Variants in PTPRT observed in about 807,000 individuals in gnomAD.
PTPRT encodes protein tyrosine phosphatase receptor type T.
PTPRT carries 56 observed loss-of-function variants against 176.8 expected under a neutral mutation model. That is an observed-to-expected ratio of 0.32 (90% CI 0.26 to 0.40). The LOEUF (loss-of-function observed/expected upper bound fraction) is 0.40. Among genes scored for constraint, PTPRT ranks in the 10% least tolerant of loss-of-function variants. PTPRT has a pLI of 1.00. For synonymous variants in PTPRT, 783 were observed against 739.0 expected, an observed-to-expected ratio of 1.06 and a Z score of -0.96; for missense variants, 1,540 against 1,908.2, an observed-to-expected ratio of 0.81 and a Z score of 3.60.
At chr20:42,630,873 C>G (rs949255536) in intron 7 of PTPRT, among the ~76,000 whole-genome samples, 3 of 152,052 alleles carry the variant, frequency 2.0e-5, no homozygotes, top group African/African-American at 7.3e-5. Context: ...TGGAAAGAAC[C>G]ATGTGTGGAG....
chr20:42,114,596 T>G (rs942852807), intron 22 of PTPRT, among the ~76,000 whole-genome samples: 4 of 152,168 alleles, frequency 2.6e-5, no homozygotes. Context: ...TCGGAGGCTG[T>G]CCTGTGCATT....
intron 13 of PTPRT, among the ~76,000 whole-genome samples, chr20:42,260,351 G>C (rs983761364): frequency 6.6e-6 from 1 of 152,184 alleles, no homozygotes; most frequent in Non-Finnish European, 1.5e-5. Flanking sequence ...CTTGCTTATA[G>C]AATCTGTGCT....
chr20:42,975,476 G>T (rs927530685), intron 1 of PTPRT, among the ~76,000 whole-genome samples: 1 of 152,000 alleles, frequency 6.6e-6, no homozygotes, highest in East Asian at 1.9e-4. Flanking sequence ...TTATGGATAG[G>T]TACTTTTTTA....
At chr20:42,916,946 G>C (rs915873863) in intron 1 of PTPRT, among the ~76,000 whole-genome samples, 4 of 152,136 alleles carry the variant, frequency 2.6e-5, no homozygotes, top group African/African-American at 4.8e-5. Flanking sequence ...CTTTTGCTGT[G>C]CAGAAGCTCT....
intron 1 of PTPRT, among the ~76,000 whole-genome samples, chr20:42,973,820 G>A (rs182698450): frequency 3.9e-5 from 6 of 152,232 alleles, no homozygotes; most frequent in Admixed American, 3.3e-4. Flanking sequence ...TAATTAATTG[G>A]GATACATTTT....
At chr20:42,834,035 T>C (rs1163210758) in intron 2 of PTPRT, among the ~76,000 whole-genome samples, 2 of 152,124 alleles carry the variant, frequency 1.3e-5, no homozygotes, top group African/African-American at 4.8e-5. Context: ...AATTAAAATA[T>C]TTTGCTCTGT....
intron 2 of PTPRT, among the ~76,000 whole-genome samples, chr20:42,881,570 C>A (rs2079009839): frequency 6.6e-6 from 1 of 151,852 alleles, no homozygotes; most frequent in Admixed American, 6.6e-5. Flanking sequence ...ACTAAAAATA[C>A]AAAAGTTAGC....
chr20:42,894,284 A>G (rs1003765740), intron 1 of PTPRT, among the ~76,000 whole-genome samples: 2 of 152,170 alleles, frequency 1.3e-5, no homozygotes, highest in Admixed American at 1.3e-4. Context: ...GCTGAGCTTG[A>G]TAACGGTTTG....
intron 1 of PTPRT, among the ~76,000 whole-genome samples, chr20:43,157,517 T>G (rs146200245): frequency 1.3e-5 from 2 of 152,154 alleles, no homozygotes; most frequent in African/African-American, 4.8e-5. Flanking sequence ...TAGCTGATTA[T>G]GGTGGGAGGG....
At position 42,955,742 on chromosome 20, in the gene PTPRT, G is replaced by C. The variant is rs1230889939; in HGVS notation, c.89-69810C>G. On this transcript the variant is annotated intron_variant, in intron 1 of 30. Coordinates refer to ENST00000373187, the MANE Select transcript of PTPRT (RefSeq NM_007050.6). ...ACCACAGTGCAGCCCAGGAACAGAG[G>C]CTGAGGCAGTACATTCTCACAAAGA... 2.0e-5 allele frequency among the ~76,000 whole-genome samples: 3 copies of C among 151,970 alleles called. No homozygotes were observed. In the East Asian group the frequency reaches 5.8e-4, roughly 29 times the overall value.
chr20:42,227,572 T>C (rs1008654415), intron 15 of PTPRT, among the ~76,000 whole-genome samples: 5 of 150,342 alleles, frequency 3.3e-5, no homozygotes, highest in Non-Finnish European at 5.9e-5. Flanking sequence ...TCAGCATCAA[T>C]TGTAGCGAAT....
chr20:42,557,137 A>G (rs2072874602), intron 7 of PTPRT, among the ~76,000 whole-genome samples: 1 of 152,192 alleles, frequency 6.6e-6, no homozygotes, highest in East Asian at 1.9e-4. Context: ...GCCTTAAGCA[A>G]TGACCTCAAA....
At chr20:42,401,244 T>C (rs1053955513) in intron 9 of PTPRT, among the ~76,000 whole-genome samples, 1 of 152,134 alleles carries the variant, frequency 6.6e-6, no homozygotes, top group African/African-American at 2.4e-5. Context: ...CGAAGCTTAC[T>C]GATTTATCCC....
At chr20:42,368,671 T>G (rs1257007786) in intron 9 of PTPRT, among the ~76,000 whole-genome samples, 1 of 152,214 alleles carries the variant, frequency 6.6e-6, no homozygotes, top group East Asian at 1.9e-4. Flanking sequence ...GCTGGGTGTT[T>G]CATGTAGGAG....
At chr20:43,104,725 T>C (rs1422270940) in intron 1 of PTPRT, among the ~76,000 whole-genome samples, 1 of 152,164 alleles carries the variant, frequency 6.6e-6, no homozygotes, top group East Asian at 1.9e-4. Context: ...GCAGACAGAC[T>C]GACAAAAGTA....
chr20:42,965,031 A>G (rs1479259620), intron 1 of PTPRT, among the ~76,000 whole-genome samples: 3 of 152,218 alleles, frequency 2.0e-5, no homozygotes, highest in African/African-American at 7.2e-5. Context: ...AAATTATTGT[A>G]ATTTATAAAC....
intron 1 of PTPRT, among the ~76,000 whole-genome samples, chr20:43,117,130 C>T (rs78601689): frequency 0.012 from 1,840 of 152,218 alleles, 19 homozygotes; most frequent in East Asian, 0.047. Context: ...CTGCTTCTTA[C>T]GGCCTGGGTA....
chr20:42,709,008 C>T (rs1039068910), intron 6 of PTPRT, among the ~76,000 whole-genome samples: 6 of 152,164 alleles, frequency 3.9e-5, no homozygotes, highest in African/African-American at 1.4e-4. Flanking sequence ...TGGAGGTGTA[C>T]AGAGAGGTTT....
chr20:42,169,777 CA>C (rs1989995961), intron 16 of PTPRT, among the ~76,000 whole-genome samples: 1 of 145,270 alleles, frequency 6.9e-6, no homozygotes, highest in Non-Finnish European at 1.5e-5. Flanking sequence ...CACACACACA[CA>C]CACACACACA....
Sources: allele counts gnomAD v4.1 joint callset (sites outside exome capture counted in the v4.1 genomes callset), GRCh38; gene constraint gnomAD v4.1.1; transcripts MANE v1.5; gene names NCBI Gene and HGNC (gene_info 2026-07-23, HGNC 2026-07-21).